Variants in FAM171A2 observed in about 807,000 individuals in gnomAD.
The protein encoded by FAM171A2 is family with sequence similarity 171 member A2.
In FAM171A2, 13 loss-of-function variants were observed where a neutral mutation model predicts 34.2. That is an observed-to-expected ratio of 0.38 (90% CI 0.25 to 0.60). The LOEUF is 0.60. Ranked by LOEUF, FAM171A2 falls within the 20% of genes least tolerant of loss-of-function variation. The pLI, the probability that FAM171A2 is intolerant of heterozygous loss-of-function variation, is 0.62. For missense variants in FAM171A2, 950 were observed against 1,180.7 expected (o/e 0.80, Z 2.86); for synonymous variants, 475 against 561.2 (o/e 0.85, Z 2.17).
chr17:44,354,558 C>T lies in FAM171A2; in HGVS notation c.1656G>A (p.Glu552=). Residue 552 remains glutamate (E), a synonymous_variant, in exon 8 of 8, where the codon GAG becomes GAA. Transcript: ENST00000293443. The surrounding 1 kb of genome is among the most constrained non-coding windows in gnomAD (Gnocchi z 5.8). ...CGTCGCCCACGCCGGCGGCGCCCGC[C>T]TCGCCGCCGAGGCGCACGTAGTGCG... ...IPAHYVRLGG[E]AGAAGVGDEP... 2 of 1,205,764 alleles carry T rather than the reference C, an allele frequency of 1.7e-6. No individual in the cohort carries two copies. The highest frequency in any genetic ancestry group is 4.1e-5 in the South Asian group (1 of 24,372). The allele number at this position is 1,205,764 out of a possible 1,614,324, so 74.7% of individuals were successfully genotyped here.
At chr17:44,358,424 G>A (rs1309042672) in intron 3 of FAM171A2, among the ~76,000 whole-genome samples, 5 of 152,306 alleles carry the variant, frequency 3.3e-5, no homozygotes, top group Non-Finnish European at 7.4e-5. Context: ...CGGGTGAAGT[G>A]ACTCGCGCCT....
chr17:44,356,599 A>G lies in FAM171A2; in HGVS notation c.440-11T>C, dbSNP rs1165692899. ...GCTGGGAGCGGGCACCTGGAGGGAA[A>G]GAGGGGCTGCAGTGGCTTGACCATG... On this transcript the variant is annotated splice_polypyrimidine_tract_variant and intron_variant, in intron 3 of 7. Coordinates refer to ENST00000293443, the MANE Select transcript of FAM171A2 (RefSeq NM_198475.3). The G allele has an allele frequency of 5.2e-6, 8 of 1,535,932 alleles. No individual in the cohort carries two copies. The African/African-American group carries it at 9.6e-5, about 18-fold the overall frequency.
Position 44,354,614 on chromosome 17 carries a change from G to C in FAM171A2, c.1600C>G (p.Arg534Gly). 1.6e-6 allele frequency: 2 copies of C among 1,263,948 alleles called. No individual in the cohort carries two copies. The highest frequency in any genetic ancestry group is 3.2e-5 in the East Asian group (1 of 31,444). 78.3% of individuals were successfully genotyped at this position (1,263,948 alleles called of 1,614,324 possible). A position where few individuals can be genotyped will look rare whatever the true frequency, so the allele number is the denominator to read the frequency against. The change falls in exon 8 of 8, where the codon CGC (arginine) becomes GGC (glycine). Residue 534 changes from arginine (R) to glycine (G), a missense_variant. This residue lies in a region of FAM171A2 where 752 missense variants were observed against 924.5 expected (regional missense o/e 0.81). Transcript: ENST00000293443. This position sits in a 1 kb window ranked among gnomAD's most constrained non-coding sequence, Gnocchi z 5.8. ...ATCACCAGGGTGGGCATGACGTTGCGGTAGACGTTGTCCTTGAGGTGGTCG... is the reference window on the plus strand; with the variant it reads ...ATCACCAGGGTGGGCATGACGTTGCCGTAGACGTTGTCCTTGAGGTGGTCG... ...SIDHLKDNVY[R>G]NVMPTLVIPA...
Position 44,354,239 on chromosome 17 carries a change from C to A in FAM171A2, c.1975G>T (p.Asp659Tyr). 1 of 1,453,756 alleles carries A rather than the reference C, an allele frequency of 6.9e-7. No homozygotes were observed. The highest frequency in any genetic ancestry group is 9.1e-7 in the Non-Finnish European group (1 of 1,095,132). 90.1% of individuals were successfully genotyped at this position (1,453,756 alleles called of 1,614,324 possible). A position where few individuals can be genotyped will look rare whatever the true frequency, so the allele number is the denominator to read the frequency against. ...PHPRAWFVSL[D>Y]GRSNSQVRHS... ...CGCACTTGCGAGTTGGAGCGCCCGTCGAGGGACACGAACCAGGCGCGCGGG... is the reference window on the plus strand; with the variant it reads ...CGCACTTGCGAGTTGGAGCGCCCGTAGAGGGACACGAACCAGGCGCGCGGG... The change falls in exon 8 of 8, where the codon GAC becomes TAC. Residue 659 changes from aspartate (D) to tyrosine (Y), a missense_variant. Asp to Tyr is a radical substitution (Grantham distance 160, BLOSUM62 -3). Around this residue, in one of 3 missense-constraint regions of FAM171A2, gnomAD observed 752 missense variants for 924.5 expected, o/e 0.81. Coordinates refer to ENST00000293443, the MANE Select transcript of FAM171A2 (RefSeq NM_198475.3). This position sits in a 1 kb window ranked among gnomAD's most constrained non-coding sequence, Gnocchi z 5.8.
At position 44,355,065 on chromosome 17, in the gene FAM171A2, TTCCAGGGGTCCCCCACA is replaced by T. The variant is rs1213045109; in HGVS notation, c.1132_1148del (p.Cys378ThrfsTer31). The T allele has an allele frequency of 2.6e-6, 4 of 1,547,806 alleles. No homozygotes were observed. Among genetic ancestry groups the T allele is most frequent in the Non-Finnish European group, 3.5e-6 (4 of 1,145,730 alleles). On this transcript the variant is annotated frameshift_variant, in exon 8 of 8. Coordinates refer to ENST00000293443, the MANE Select transcript of FAM171A2 (RefSeq NM_198475.3). LOFTEE classifies it low-confidence loss of function (END_TRUNC). This position sits in a 1 kb window ranked among gnomAD's most constrained non-coding sequence, Gnocchi z 4.1. The stretch of plus-strand genomic sequence containing the variant: ...CCTCGGGGTCCCCCGACGGGGCGGG[TTCCAGGGGTCCCCCACA>T]GATGAGGTGGAGCTGGGACATCGAG...
chr17:44,355,905 C>T lies in FAM171A2; in HGVS notation c.895+53G>A, dbSNP rs577169230. Reference sequence around the variant, plus strand: ...CCTTCCTGCCTTTCAGAAGTCTGCTCTCCCAGCTCCCCTCCTCCGCGGCCT... The same window carrying T: ...CCTTCCTGCCTTTCAGAAGTCTGCTTTCCCAGCTCCCCTCCTCCGCGGCCT... On this transcript the variant is annotated intron_variant, in intron 6 of 7. Transcript: ENST00000293443. The surrounding 1 kb of genome is among the most constrained non-coding windows in gnomAD (Gnocchi z 4.1). 1.9e-6 allele frequency: 3 copies of T among 1,547,124 alleles called. No individual in the cohort carries two copies. Among genetic ancestry groups the T allele is most frequent in the Admixed American group, 2.0e-5 (1 of 50,894 alleles).
Position 44,354,236 on chromosome 17 carries a change from C to T in FAM171A2, c.1978G>A (p.Gly660Arg). The change falls in exon 8 of 8, where the codon GGG becomes AGG. Residue 660 changes from glycine (G) to arginine (R), a missense_variant. Coordinates refer to ENST00000293443, the MANE Select transcript of FAM171A2 (RefSeq NM_198475.3). This position sits in a 1 kb window ranked among gnomAD's most constrained non-coding sequence, Gnocchi z 5.8. Reference protein sequence around the residue: ...HPRAWFVSLDGRSNSQVRHSY... With the variant: ...HPRAWFVSLDRRSNSQVRHSY... ...TGGCGCACTTGCGAGTTGGAGCGCC[C>T]GTCGAGGGACACGAACCAGGCGCGC... is the stretch of plus-strand genomic sequence containing the variant. 1 of 1,455,072 alleles carries T rather than the reference C, an allele frequency of 6.9e-7. No individual in the cohort carries two copies. The highest frequency in any genetic ancestry group is 9.1e-7 in the Non-Finnish European group (1 of 1,095,790). The allele number at this position is 1,455,072 out of a possible 1,614,324, so 90.1% of individuals were successfully genotyped here. A position where few individuals can be genotyped will look rare whatever the true frequency, so the allele number is the denominator to read the frequency against.
chr17:44,363,684 C>G lies in FAM171A2; in HGVS notation c.31G>C (p.Ala11Pro). Residue 11 changes from alanine (A) to proline (P), a missense_variant, in exon 1 of 8, where the codon GCG becomes CCG. This residue lies in a region of FAM171A2 where 752 missense variants were observed against 924.5 expected (regional missense o/e 0.81). Coordinates refer to ENST00000293443, the MANE Select transcript of FAM171A2 (RefSeq NM_198475.3). MPPASGPSVL[A>P]RLLPLLGLLL... ...AGCCCCAGCAGCGGCAACAGCCGCG[C>G]GAGGACGCTGGGGCCACTCGCCGGC... The G allele has an allele frequency of 8.2e-7, 1 of 1,223,336 alleles. No homozygotes were observed. Among genetic ancestry groups the G allele is most frequent in the East Asian group, 3.2e-5 (1 of 30,950 alleles). The allele number at this position is 1,223,336 out of a possible 1,614,324, so 75.8% of individuals were successfully genotyped here. A position where few individuals can be genotyped will look rare whatever the true frequency, so the allele number is the denominator to read the frequency against.
At chr17:44,363,367 C>T (rs1314899222) in intron 1 of FAM171A2, among the ~76,000 whole-genome samples, 1 of 152,124 alleles carries the variant, frequency 6.6e-6, no homozygotes, top group Non-Finnish European at 1.5e-5. Context: ...CCTGGGGACC[C>T]TCGCACTACC....
intron 1 of FAM171A2, among the ~76,000 whole-genome samples, chr17:44,363,311 G>A (rs1258093947): frequency 6.6e-6 from 1 of 152,152 alleles, no homozygotes; most frequent in Non-Finnish European, 1.5e-5. Flanking sequence ...GCGCCTCGCG[G>A]ACCAGGAGGG....
At chr17:44,363,552 G>C in intron 1 of FAM171A2, 45 bp downstream of exon 1, 2 of 975,566 alleles carry the variant, frequency 2.1e-6, no homozygotes, top group South Asian at 5.2e-5. Context: ...AGCCTGATCA[G>C]GGGGCGCAGG....
In FAM171A2 at chr17:44,353,690, G is replaced by A; in HGVS notation, c.*43C>T. The A allele has an allele frequency of 7.9e-7, 1 of 1,259,820 alleles. No individual in the cohort carries two copies. Among genetic ancestry groups the A allele is most frequent in the East Asian group, 3.5e-5 (1 of 28,604 alleles). 78.0% of individuals were successfully genotyped at this position (1,259,820 alleles called of 1,614,324 possible). ...GGCCCCCGGGGCGCGCACCCTGGGTGCGGGCCCGCGCGGGAGGGGCGGTGC... is the reference window on the plus strand; with the variant it reads ...GGCCCCCGGGGCGCGCACCCTGGGTACGGGCCCGCGCGGGAGGGGCGGTGC... On this transcript the variant is annotated 3_prime_UTR_variant, in exon 8 of 8. Coordinates refer to ENST00000293443, the MANE Select transcript of FAM171A2 (RefSeq NM_198475.3).
Position 44,354,411 on chromosome 17 carries a change from GCCGCCGCCC to G in FAM171A2, c.1794_1802del (p.Gly599_Gly601del). The G allele has an allele frequency of 8.5e-7, 1 of 1,181,404 alleles. No homozygotes were observed. The highest frequency in any genetic ancestry group is 1.1e-6 in the Non-Finnish European group (1 of 948,950). 73.2% of individuals were successfully genotyped at this position (1,181,404 alleles called of 1,614,324 possible). A position where few individuals can be genotyped will look rare whatever the true frequency, so the allele number is the denominator to read the frequency against. On this transcript the variant is annotated inframe_deletion, in exon 8 of 8. Transcript: ENST00000293443. The surrounding 1 kb of genome is among the most constrained non-coding windows in gnomAD (Gnocchi z 5.8). ...CCGCGCGCCCGGCCCCCCAGCCCTC[GCCGCCGCCC>G]CCGCCGCCCTCGCCCCCCGGGCCCG...
chr17:44,353,685 T>C lies in FAM171A2; in HGVS notation c.*48A>G. On this transcript the variant is annotated 3_prime_UTR_variant, in exon 8 of 8. Coordinates refer to ENST00000293443, the MANE Select transcript of FAM171A2 (RefSeq NM_198475.3). ...CCGCGGGCCCCCGGGGCGCGCACCCTGGGTGCGGGCCCGCGCGGGAGGGGC... is the reference window on the plus strand; with the variant it reads ...CCGCGGGCCCCCGGGGCGCGCACCCCGGGTGCGGGCCCGCGCGGGAGGGGC... The C allele has an allele frequency of 8.2e-7, 1 of 1,219,172 alleles. No homozygotes were observed. The highest frequency in any genetic ancestry group is 1.0e-6 in the Non-Finnish European group (1 of 980,414). The allele number at this position is 1,219,172 out of a possible 1,614,324, so 75.5% of individuals were successfully genotyped here.
At chr17:44,362,257 C>A (rs1024838712) in intron 1 of FAM171A2, among the ~76,000 whole-genome samples, 2 of 152,062 alleles carry the variant, frequency 1.3e-5, no homozygotes, top group South Asian at 2.1e-4. Context: ...AGGGGAGGGG[C>A]GTCCTAAGAA....
chr17:44,358,835 A>G (rs1402140653), intron 3 of FAM171A2: 1 of 152,232 alleles, frequency 6.6e-6, no homozygotes, highest in Non-Finnish European at 1.5e-5. Context: ...ACTGTCCTCT[A>G]CTACCCTCCA....
chr17:44,359,389 A>T, intron 3 of FAM171A2, 190 bp downstream of exon 3: 1 of 605,970 alleles, frequency 1.7e-6, no homozygotes, highest in Non-Finnish European at 3.0e-6. Flanking sequence ...GTGTTTTTTC[A>T]CTTTGTGATT....
rs2048458574 is a variant in FAM171A2, at chr17:44,363,825, C to T, written c.-111G>A. On this transcript the variant is annotated 5_prime_UTR_variant, in exon 1 of 8. Coordinates refer to ENST00000293443, the MANE Select transcript of FAM171A2 (RefSeq NM_198475.3). ...GCCTCGCAGCTCCGGCTCCCGCTCC[C>T]GCTGCGGCGCCCGCTCAGCGCGATT... 3 of 409,278 alleles carry T rather than the reference C, an allele frequency of 7.3e-6. No homozygotes were observed. Among genetic ancestry groups the T allele is most frequent in the Non-Finnish European group, 1.1e-5 (3 of 265,998 alleles). The allele number at this position is 409,278 out of a possible 1,614,324, so 25.4% of individuals were successfully genotyped here.
At chr17:44,356,841 A>G (rs1487839229) in intron 3 of FAM171A2, among the ~76,000 whole-genome samples, 2 of 152,184 alleles carry the variant, frequency 1.3e-5, no homozygotes. Flanking sequence ...GAACCTATAA[A>G]ATGTTGCGAT....
Sources: allele counts gnomAD v4.1 joint callset (sites outside exome capture counted in the v4.1 genomes callset), GRCh38; gene constraint gnomAD v4.1.1; regional missense constraint gnomAD v4.1.1; non-coding constraint Gnocchi (gnomAD v3.1); transcripts MANE v1.5; gene names NCBI Gene and HGNC (gene_info 2026-07-23, HGNC 2026-07-21).